The following BRINP3 variants were observed in gnomAD, a reference collection of about 807,000 sequenced individuals.
The protein encoded by BRINP3 is BMP/retinoic acid-inducible neural-specific protein 3.
In BRINP3, 19 loss-of-function variants were observed where a neutral mutation model predicts 71.0. That is an observed-to-expected ratio of 0.27 (90% CI 0.19 to 0.39). The LOEUF is 0.39. Among genes scored for constraint, BRINP3 ranks in the 10% least tolerant of loss-of-function variants. BRINP3 has a pLI of 1.00. For missense variants in BRINP3, 959 were observed against 940.8 expected, an observed-to-expected ratio of 1.02 and a Z score of -0.25; for synonymous variants, 380 against 337.7, an observed-to-expected ratio of 1.13 and a Z score of -1.37.
chr1:190,344,948 T>G (rs1202514745), intron 2 of BRINP3, among the ~76,000 whole-genome samples: 1 of 151,908 alleles, frequency 6.6e-6, no homozygotes, highest in African/African-American at 2.4e-5. Context: ...CTGTGAGAAC[T>G]ATATAATTGG....
In BRINP3 at chr1:190,296,083, G is replaced by C. The variant is rs75463969; in HGVS notation, c.237-14333C>G. 1.6e-3 allele frequency among the ~76,000 whole-genome samples: 230 copies of C among 147,444 alleles called. 1 individual carries two copies. Among genetic ancestry groups the C allele is most frequent in the Non-Finnish European group, 2.8e-3 (189 of 66,588 alleles). ...CTTTTGTGGTTTTTTTTTTGGGGGG[G>C]GGCTGGGCTTTTGGTGTTATATTTA... On this transcript the variant is annotated intron_variant, in intron 2 of 7. Transcript: ENST00000367462.
At chr1:190,444,870 TG>T (rs1675106623) in intron 2 of BRINP3, among the ~76,000 whole-genome samples, 1 of 152,182 alleles carries the variant, frequency 6.6e-6, no homozygotes, top group Non-Finnish European at 1.5e-5. Flanking sequence ...CTTTGTTTAC[TG>T]GGAAATTTGG....
chr1:190,181,719 C>T (rs1303760736), intron 6 of BRINP3, among the ~76,000 whole-genome samples: 2 of 151,958 alleles, frequency 1.3e-5, no homozygotes, highest in Admixed American at 1.3e-4. Flanking sequence ...AATATTCCCT[C>T]TACATGTATT....
At chr1:190,402,839 C>T (rs1190757814) in intron 2 of BRINP3, among the ~76,000 whole-genome samples, 1 of 152,158 alleles carries the variant, frequency 6.6e-6, no homozygotes, top group Non-Finnish European at 1.5e-5. Context: ...TCAAGCAATT[C>T]TCCCACTTCA....
chr1:190,319,595 G>A (rs1385914481), intron 2 of BRINP3, among the ~76,000 whole-genome samples: 1 of 152,052 alleles, frequency 6.6e-6, no homozygotes, highest in African/African-American at 2.4e-5. Context: ...TCAAATCATG[G>A]TGGAAGGCAA....
chr1:190,473,771 C>CT (rs1322857461), intron 1 of BRINP3, among the ~76,000 whole-genome samples: 18 of 95,296 alleles, frequency 1.9e-4, no homozygotes, highest in African/African-American at 6.3e-4. Flanking sequence ...CCATAATTTT[C>CT]TATTTTTTTT....
chr1:190,268,103 C>T (rs1257186231), intron 3 of BRINP3, among the ~76,000 whole-genome samples: 2 of 152,064 alleles, frequency 1.3e-5, no homozygotes, highest in Admixed American at 6.6e-5. Context: ...AATTCCAATA[C>T]TGCAAAACTG....
intron 3 of BRINP3, among the ~76,000 whole-genome samples, chr1:190,277,110 T>TATATATATATATATATATATAG: frequency 8.1e-6 from 1 of 123,486 alleles, no homozygotes; most frequent in Non-Finnish European, 1.8e-5. Context: ...TATATATATA[T>TATATATATATATATATATATAG]ATATATATTT....
intron 6 of BRINP3, among the ~76,000 whole-genome samples, chr1:190,211,830 A>G (rs1656014733): frequency 2.0e-5 from 3 of 152,116 alleles, no homozygotes; most frequent in Non-Finnish European, 4.4e-5. Flanking sequence ...GTTCAGAGCA[A>G]AATTTGGTAA....
At chr1:190,444,270 A>AAAAAAC (rs1675050407) in intron 2 of BRINP3, among the ~76,000 whole-genome samples, 2 of 136,294 alleles carry the variant, frequency 1.5e-5, no homozygotes, top group African/African-American at 2.7e-5. Flanking sequence ...AAAAAAAAAA[A>AAAAAAC]ATCCCTTTGT....
chr1:190,112,161 G>T lies in BRINP3; in HGVS notation c.1185-13027C>A, dbSNP rs186400089. Among the ~76,000 whole-genome samples, 215 of 152,204 alleles carry T rather than the reference G, an allele frequency of 1.4e-3. 1 individual carries two copies. Among genetic ancestry groups the T allele is most frequent in the African/African-American group, 5.1e-3 (213 of 41,532 alleles). ...CAATCAAAAAAAGTAGTAACAACAT[G>T]GGAGAGAATGTGGAGGTTTGAAGCA... On this transcript the variant is annotated intron_variant, in intron 7 of 7. Transcript: ENST00000367462.
chr1:190,443,550 CTG>C (rs1553322751), intron 2 of BRINP3, among the ~76,000 whole-genome samples: 1 of 152,198 alleles, frequency 6.6e-6, no homozygotes, highest in Non-Finnish European at 1.5e-5. Context: ...CTCTGGCAAA[CTG>C]GGGTATTCAA....
At chr1:190,409,595 C>A (rs575866543) in intron 2 of BRINP3, among the ~76,000 whole-genome samples, 3 of 152,254 alleles carry the variant, frequency 2.0e-5, no homozygotes, top group East Asian at 1.9e-4. Context: ...AGGTTTCAAG[C>A]AATTTCCCTT....
chr1:190,286,606 T>C (rs1663442974), intron 2 of BRINP3, among the ~76,000 whole-genome samples: 1 of 152,168 alleles, frequency 6.6e-6, no homozygotes, highest in Non-Finnish European at 1.5e-5. Context: ...TAATTTCCAT[T>C]AAATGAAGTT....
At chr1:190,185,410 A>C (rs1653425567) in intron 6 of BRINP3, among the ~76,000 whole-genome samples, 1 of 152,224 alleles carries the variant, frequency 6.6e-6, no homozygotes, top group East Asian at 1.9e-4. Context: ...AACATTTCAC[A>C]TCTCTCAGGA....
At chr1:190,352,325 C>G (rs1021766379) in intron 2 of BRINP3, among the ~76,000 whole-genome samples, 9 of 151,940 alleles carry the variant, frequency 5.9e-5, no homozygotes, top group Admixed American at 5.9e-4. Flanking sequence ...CTGGGGGAAG[C>G]TTAGAAATAT....
At position 190,281,684 on chromosome 1, in the gene BRINP3, C is replaced by A. The variant is rs896816450; in HGVS notation, c.303G>T (p.Leu101=). 6.2e-7 allele frequency: 1 copy of A among 1,612,836 alleles called. No individual in the cohort carries two copies. Among genetic ancestry groups the A allele is most frequent in the Non-Finnish European group, 8.5e-7 (1 of 1,179,280 alleles). ...VERRNFLGSP[L]PLAPEFFRNI... ...TGCGGAAGAATTCAGGGGCAAGAGG[C>A]AGAGGAGAGCCAAGGAAATTTCTTC... The change falls in exon 3 of 8, where the codon CTG becomes CTT. Residue 101 remains leucine (L), a synonymous_variant. Transcript: ENST00000367462.
At chr1:190,196,451 C>CA (rs533090415) in intron 6 of BRINP3, among the ~76,000 whole-genome samples, 2 of 152,076 alleles carry the variant, frequency 1.3e-5, no homozygotes, top group Admixed American at 1.3e-4. Context: ...ATTTTTCCTC[C>CA]AAAAAACATT....
At chr1:190,266,591 C>T (rs1661682232) in intron 3 of BRINP3, among the ~76,000 whole-genome samples, 1 of 152,074 alleles carries the variant, frequency 6.6e-6, no homozygotes, top group Non-Finnish European at 1.5e-5. Context: ...AGAATACATA[C>T]ATAAATGCTA....
Sources: gnomAD v4.1 joint callset for allele counts (sites outside exome capture counted in the v4.1 genomes callset) on GRCh38, gnomAD v4.1.1 for gene constraint, MANE v1.5 for transcripts, NCBI Gene and HGNC (gene_info 2026-07-23, HGNC 2026-07-21) for gene names.